The following PARN variants were observed in gnomAD, a reference collection of about 807,000 sequenced individuals.
The protein encoded by PARN is poly(A)-specific ribonuclease, also known as poly(A)-specific ribonuclease PARN.
In PARN, 71 loss-of-function variants were observed where a neutral mutation model predicts 102.8. The observed-to-expected ratio is 0.69, with a 90% CI of 0.57 to 0.84. The LOEUF (loss-of-function observed/expected upper bound fraction) is 0.84, where lower values mean the gene tolerates loss of function less well. PARN is among the 40% of genes least tolerant of loss of function. The probability of loss-of-function intolerance (pLI) is 0.00; values close to 1 mark genes in which losing one functional copy is unlikely to be tolerated. For synonymous variants in PARN, 261 were observed against 252.9 expected, an observed-to-expected ratio of 1.03 and a Z score of -0.30; for missense variants, 782 against 760.9, an observed-to-expected ratio of 1.03 and a Z score of -0.33.
chr16:14,593,226 A>C, intron 13 of PARN, 75 bp downstream of exon 13: 2 of 828,822 alleles, frequency 2.4e-6, no homozygotes, highest in Non-Finnish European at 2.1e-6. Context: ...CAGTTCAGTT[A>C]AAAGCATCAT....
intron 21 of PARN, among the ~76,000 whole-genome samples, chr16:14,514,774 C>T (rs1041601430): frequency 6.6e-6 from 1 of 152,198 alleles, no homozygotes; most frequent in Non-Finnish European, 1.5e-5. Flanking sequence ...ACGTGGCCAG[C>T]TTGTCTTCCA....
At chr16:14,583,085 G>A (rs1969629817) in intron 16 of PARN, among the ~76,000 whole-genome samples, 1 of 152,156 alleles carries the variant, frequency 6.6e-6, no homozygotes. Flanking sequence ...GCTGGCCTTG[G>A]ATCATGGAAC....
At chr16:14,457,824 A>G (rs1224956416) in intron 22 of PARN, among the ~76,000 whole-genome samples, 19 of 148,734 alleles carry the variant, frequency 1.3e-4, no homozygotes, top group Non-Finnish European at 1.5e-5. Context: ...AAAAAAAAAA[A>G]AGAGTCTGTA....
intron 5 of PARN, among the ~76,000 whole-genome samples, 168 bp from the exon 6 acceptor site, chr16:14,617,818 G>C (rs1306776249): frequency 6.6e-6 from 1 of 152,134 alleles, no homozygotes; most frequent in Admixed American, 6.6e-5. Context: ...CCATTAACTT[G>C]CTTAAAACAT....
intron 7 of PARN, among the ~76,000 whole-genome samples, chr16:14,609,334 G>A (rs1041239114): frequency 5.9e-5 from 9 of 152,160 alleles, no homozygotes; most frequent in Non-Finnish European, 7.4e-5. Flanking sequence ...GGAGGTCGAC[G>A]TTGGGTGGAT....
intron 21 of PARN, among the ~76,000 whole-genome samples, chr16:14,493,212 TTTA>T (rs1964145354): frequency 6.6e-6 from 1 of 152,138 alleles, no homozygotes; most frequent in Non-Finnish European, 1.5e-5. Flanking sequence ...CATTCATTCA[TTTA>T]TTATTTATTT....
chr16:14,581,235 G>T (rs1425043181), intron 17 of PARN, among the ~76,000 whole-genome samples: 2 of 151,950 alleles, frequency 1.3e-5, no homozygotes, highest in Non-Finnish European at 2.9e-5. Flanking sequence ...TATTTTTAGT[G>T]GAGACAGGGT....
At chr16:14,484,794 T>A (rs756129402) in intron 21 of PARN, among the ~76,000 whole-genome samples, 3 of 152,000 alleles carry the variant, frequency 2.0e-5, no homozygotes, top group African/African-American at 4.8e-5. Flanking sequence ...AAATATTTAG[T>A]CATCTAAAAA....
chr16:14,558,251 G>A (rs1343337868), intron 18 of PARN: 2 of 152,062 alleles, frequency 1.3e-5, no homozygotes, highest in African/African-American at 4.8e-5. Context: ...TGGCCAACAC[G>A]GTGAAACCCT....
intron 7 of PARN, 121 bp from the exon 8 acceptor site, chr16:14,609,244 A>G (rs1971372600): frequency 6.8e-6 from 4 of 586,346 alleles, no homozygotes; most frequent in Non-Finnish European, 1.2e-5. Context: ...TAATTCTACC[A>G]AATTACCCTA....
chr16:14,452,630 C>T (rs1961515034), intron 22 of PARN, among the ~76,000 whole-genome samples: 1 of 152,198 alleles, frequency 6.6e-6, no homozygotes, highest in Non-Finnish European at 1.5e-5. Flanking sequence ...AGCCACCGCA[C>T]CCACCCTACA....
chr16:14,561,950 C>T (rs1192140547), intron 18 of PARN, among the ~76,000 whole-genome samples: 4 of 151,632 alleles, frequency 2.6e-5, no homozygotes, highest in Middle Eastern at 3.2e-3. Context: ...TCAAGAGTTC[C>T]AGACTGGCCT....
chr16:14,438,441 T>TGG (rs375043884), intron 23 of PARN, among the ~76,000 whole-genome samples: 21,881 of 105,378 alleles, frequency 0.21, 2,826 homozygotes, highest in Middle Eastern at 0.28. Context: ...TGCCATTAGT[T>TGG]GGGGGGGGGG....
At chr16:14,551,884 T>C (rs990275968) in intron 21 of PARN, 137 bp downstream of exon 21, 17 of 611,270 alleles carry the variant, frequency 2.8e-5, no homozygotes, top group Non-Finnish European at 5.0e-5. Context: ...TTCATTTATT[T>C]CAGAGACAAT....
At chr16:14,584,257 C>T (rs1379533430) in intron 16 of PARN, 90 bp downstream of exon 16, 24 of 853,458 alleles carry the variant, frequency 2.8e-5, no homozygotes, top group South Asian at 1.9e-4. Context: ...ATGAACAATA[C>T]GGTCTCCAGA....
chr16:14,544,605 C>G (rs1157918933), intron 21 of PARN, among the ~76,000 whole-genome samples: 1 of 151,880 alleles, frequency 6.6e-6, no homozygotes, highest in Non-Finnish European at 1.5e-5. Flanking sequence ...AAGAATATAC[C>G]AGGCAAATAT....
chr16:14,564,027 T>C (rs1158537618), intron 18 of PARN, among the ~76,000 whole-genome samples: 3 of 152,156 alleles, frequency 2.0e-5, no homozygotes, highest in African/African-American at 7.2e-5. Flanking sequence ...GTTTAGCCAC[T>C]TGCCCTTGGC....
chr16:14,610,191 G>A (rs993007488), intron 7 of PARN, among the ~76,000 whole-genome samples: 4 of 152,182 alleles, frequency 2.6e-5, no homozygotes, highest in South Asian at 2.1e-4. Context: ...TGAATATGCC[G>A]GCTAGGCATG....
At chr16:14,603,919 A>T (rs1201235677) in intron 11 of PARN, among the ~76,000 whole-genome samples, 2 of 152,232 alleles carry the variant, frequency 1.3e-5, no homozygotes, top group Non-Finnish European at 2.9e-5. Flanking sequence ...GGACTGGTTT[A>T]AGTAGACACT....
Sources: gnomAD v4.1 joint callset for allele counts (sites outside exome capture counted in the v4.1 genomes callset) on GRCh38, gnomAD v4.1.1 for gene constraint, MANE v1.5 for transcripts, NCBI Gene and HGNC (gene_info 2026-07-23, HGNC 2026-07-21) for gene names.